BBX: variants seen among roughly 807,000 people sequenced by gnomAD.
The protein encoded by BBX is BBX high mobility group box domain containing, also known as HMG box transcription factor BBX.
BBX carries 30 observed loss-of-function variants against 100.2 expected under a neutral mutation model. That is an observed-to-expected ratio of 0.30 (90% CI 0.22 to 0.41). BBX has a LOEUF of 0.41. BBX is among the 10% of genes least tolerant of loss of function. The pLI is 1.00. For synonymous variants in BBX, 376 were observed against 388.1 expected (o/e 0.97, Z 0.37); for missense variants, 1,023 against 1,129.8 (o/e 0.91, Z 1.35).
chr3:107,617,266 A>T (rs1377888911), intron 2 of BBX, among the ~76,000 whole-genome samples: 1 of 152,160 alleles, frequency 6.6e-6, no homozygotes, highest in Non-Finnish European at 1.5e-5. Context: ...TCGTCCACTG[A>T]TACTACACAT....
intron 4 of BBX, among the ~76,000 whole-genome samples, chr3:107,714,549 A>T (rs1315872297): frequency 6.6e-6 from 1 of 152,106 alleles, no homozygotes; most frequent in Non-Finnish European, 1.5e-5. Context: ...TTAATAGTAC[A>T]CTTTTTAGTT....
At chr3:107,695,114 C>G (rs2060489786) in intron 3 of BBX, among the ~76,000 whole-genome samples, 1 of 130,410 alleles carries the variant, frequency 7.7e-6, no homozygotes, top group African/African-American at 3.1e-5. Context: ...TGCTAGCGGT[C>G]TATCAATTTT....
rs868411364 is a variant in BBX, at chr3:107,779,020, T to C, written c.2203+501T>C. ...ATATATATATATATATATATATATA[T>C]ACACACACACACACACATATACATT... On this transcript the variant is annotated intron_variant, in intron 13 of 17. Coordinates refer to ENST00000325805, the MANE Select transcript of BBX (RefSeq NM_001142568.3). Among the ~76,000 whole-genome samples the C allele has an allele frequency of 4.2e-4, 40 of 95,818 alleles. 4 individuals are homozygous for C. The highest frequency in any genetic ancestry group is 1.5e-3 in the African/African-American group (38 of 24,524). The allele number at this position is 95,818 out of a possible 152,430, so 62.9% of individuals were successfully genotyped here. A position where few individuals can be genotyped will look rare whatever the true frequency, so the allele number is the denominator to read the frequency against.
chr3:107,535,396 T>C (rs943682759), intron 2 of BBX, among the ~76,000 whole-genome samples: 16 of 152,140 alleles, frequency 1.1e-4, no homozygotes, highest in Non-Finnish European at 2.1e-4. Flanking sequence ...AGACTAAGCC[T>C]TTGTTTATAA....
chr3:107,548,677 A>C (rs2049422129), intron 2 of BBX, among the ~76,000 whole-genome samples: 1 of 152,208 alleles, frequency 6.6e-6, no homozygotes, highest in Non-Finnish European at 1.5e-5. Context: ...TGTCAAAAAG[A>C]CACATGGGCT....
At chr3:107,635,959 C>T (rs1031098652) in intron 2 of BBX, among the ~76,000 whole-genome samples, 2 of 152,200 alleles carry the variant, frequency 1.3e-5, no homozygotes, top group South Asian at 2.1e-4. Context: ...ATCCTCCCGC[C>T]TCGGCCTCCC....
At chr3:107,585,650 T>G (rs996929242) in intron 2 of BBX, among the ~76,000 whole-genome samples, 1 of 152,204 alleles carries the variant, frequency 6.6e-6, no homozygotes, top group Non-Finnish European at 1.5e-5. Flanking sequence ...TTTATCTTTT[T>G]TGGAAAATGT....
intron 3 of BBX, among the ~76,000 whole-genome samples, chr3:107,678,050 A>G (rs1344092501): frequency 6.6e-6 from 1 of 152,140 alleles, no homozygotes; most frequent in African/African-American, 2.4e-5. Flanking sequence ...TTTTTGGTTT[A>G]TGTGTATATA....
chr3:107,576,718 C>T (rs1192077958), intron 2 of BBX, among the ~76,000 whole-genome samples: 1 of 152,058 alleles, frequency 6.6e-6, no homozygotes, highest in African/African-American at 2.4e-5. Context: ...ATTGATCTAT[C>T]TATCTAGTTA....
At chr3:107,704,028 A>G (rs1311205121) in intron 3 of BBX, among the ~76,000 whole-genome samples, 1 of 152,078 alleles carries the variant, frequency 6.6e-6, no homozygotes, top group Non-Finnish European at 1.5e-5. Context: ...CCAGGTAAGC[A>G]TTTGGGTTCT....
intron 3 of BBX, among the ~76,000 whole-genome samples, chr3:107,682,454 A>G (rs551763033): frequency 1.3e-5 from 2 of 151,980 alleles, no homozygotes; most frequent in South Asian, 4.2e-4. Flanking sequence ...TGTGTAGATA[A>G]AATACTGTGG....
At chr3:107,684,899 C>T (rs146482973) in intron 3 of BBX, among the ~76,000 whole-genome samples, 1,553 of 152,092 alleles carry the variant, frequency 0.01, 17 homozygotes, top group African/African-American at 0.035. Flanking sequence ...AAAGTGGGTG[C>T]GGGGAAGCAG....
At chr3:107,619,508 A>C (rs993904439) in intron 2 of BBX, among the ~76,000 whole-genome samples, 4 of 151,970 alleles carry the variant, frequency 2.6e-5, no homozygotes, top group African/African-American at 9.7e-5. Context: ...AGGAAAACTT[A>C]TTATATTTAC....
chr3:107,596,177 A>G (rs954605544), intron 2 of BBX, among the ~76,000 whole-genome samples: 7 of 151,962 alleles, frequency 4.6e-5, no homozygotes, highest in Admixed American at 3.9e-4. Context: ...TACTTAACCT[A>G]TTTTTATTAG....
At chr3:107,625,924 G>C (rs564377483) in intron 2 of BBX, among the ~76,000 whole-genome samples, 15 of 151,974 alleles carry the variant, frequency 9.9e-5, no homozygotes, top group African/African-American at 3.1e-4. Context: ...TTTTTCATGG[G>C]GTACATAGTG....
chr3:107,783,355 G>T (rs1327562864), intron 13 of BBX, among the ~76,000 whole-genome samples: 2 of 152,040 alleles, frequency 1.3e-5, no homozygotes, highest in Non-Finnish European at 2.9e-5. Flanking sequence ...AAGCTCTTCT[G>T]TGTACAAAAC....
At chr3:107,782,475 C>G (rs745916481) in intron 13 of BBX, among the ~76,000 whole-genome samples, 20 of 152,116 alleles carry the variant, frequency 1.3e-4, no homozygotes, top group South Asian at 4.1e-4. Context: ...AGAGTTACGC[C>G]TGACATTTGT....
intron 2 of BBX, among the ~76,000 whole-genome samples, chr3:107,589,337 C>T (rs1388269438): frequency 1.3e-5 from 2 of 152,140 alleles, no homozygotes; most frequent in Admixed American, 6.6e-5. Context: ...GAAAACAAAG[C>T]TAGTAGAAGA....
At chr3:107,750,360 A>G (rs995453179) in intron 9 of BBX, among the ~76,000 whole-genome samples, 3 of 152,222 alleles carry the variant, frequency 2.0e-5, no homozygotes, top group Non-Finnish European at 4.4e-5. Flanking sequence ...GAAGGCATGT[A>G]TGACAGAAAG....
Sources: allele counts gnomAD v4.1 joint callset (sites outside exome capture counted in the v4.1 genomes callset), GRCh38; gene constraint gnomAD v4.1.1; transcripts MANE v1.5; gene names NCBI Gene and HGNC (gene_info 2026-07-23, HGNC 2026-07-21).